Variants in NAALADL2 observed in about 807,000 individuals in gnomAD.
NAALADL2 encodes the protein inactive N-acetylated-alpha-linked acidic dipeptidase-like protein 2.
NAALADL2 carries 76 observed loss-of-function variants against 87.2 expected under a neutral mutation model. That is an observed-to-expected ratio of 0.87 (90% CI 0.72 to 1.05). NAALADL2 has a LOEUF of 1.05. Ranked by LOEUF, NAALADL2 falls within the 50% of genes least tolerant of loss-of-function variation. NAALADL2 has a pLI of 0.00. For missense variants in NAALADL2, 1,089 were observed against 945.8 expected (o/e 1.15, Z -1.99); for synonymous variants, 354 against 331.0 (o/e 1.07, Z -0.75).
chr3:175,468,353 T>A (rs1023013835), intron 8 of NAALADL2, among the ~76,000 whole-genome samples: 2 of 152,094 alleles, frequency 1.3e-5, no homozygotes, highest in Admixed American at 6.5e-5. Context: ...AGAATCTTTT[T>A]AAGTTGACAA....
At chr3:175,758,190 T>C (rs1747522458) in intron 13 of NAALADL2, among the ~76,000 whole-genome samples, 3 of 152,046 alleles carry the variant, frequency 2.0e-5, no homozygotes, top group Non-Finnish European at 4.4e-5. Flanking sequence ...ATGCTAGTAA[T>C]GTAATTACAG....
At chr3:175,629,471 A>G (rs1290690325) in intron 11 of NAALADL2, among the ~76,000 whole-genome samples, 3 of 151,352 alleles carry the variant, frequency 2.0e-5, no homozygotes, top group African/African-American at 7.3e-5. Context: ...ATTTTTAAGC[A>G]AAACATTAGA....
At chr3:175,544,108 A>C (rs1712863243) in intron 9 of NAALADL2, among the ~76,000 whole-genome samples, 1 of 152,192 alleles carries the variant, frequency 6.6e-6, no homozygotes, top group African/African-American at 2.4e-5. Context: ...CAACAGTGTC[A>C]GGATTCTGGG....
chr3:174,944,417 G>A (rs1326307519), intron 1 of NAALADL2, among the ~76,000 whole-genome samples: 1 of 152,130 alleles, frequency 6.6e-6, no homozygotes, highest in African/African-American at 2.4e-5. Context: ...AAATAGCAAA[G>A]ATGTTGGCCC....
chr3:175,521,771 G>A (rs547251057), intron 9 of NAALADL2, among the ~76,000 whole-genome samples: 18 of 152,214 alleles, frequency 1.2e-4, no homozygotes, highest in Admixed American at 9.8e-4. Flanking sequence ...CTAAAATGAG[G>A]CAAGGAAAGA....
At chr3:175,779,120 G>A (rs1411986107) in intron 13 of NAALADL2, among the ~76,000 whole-genome samples, 1 of 152,182 alleles carries the variant, frequency 6.6e-6, no homozygotes, top group African/African-American at 2.4e-5. Context: ...TGGCTTGTTA[G>A]TTCAACAAGA....
chr3:175,766,581 A>G (rs1748709745), intron 13 of NAALADL2, among the ~76,000 whole-genome samples: 1 of 152,196 alleles, frequency 6.6e-6, no homozygotes, highest in African/African-American at 2.4e-5. Flanking sequence ...AATGAAATCT[A>G]GGTTCCCTAT....
chr3:175,383,288 T>C (rs1767995761), intron 5 of NAALADL2, among the ~76,000 whole-genome samples: 1 of 152,048 alleles, frequency 6.6e-6, no homozygotes, highest in Non-Finnish European at 1.5e-5. Flanking sequence ...ATTCCTTTTA[T>C]TATATTTTAT....
intron 2 of NAALADL2, among the ~76,000 whole-genome samples, chr3:174,586,321 TA>T (rs957547366): frequency 4.6e-5 from 7 of 152,192 alleles, no homozygotes; most frequent in Non-Finnish European, 2.9e-5. Flanking sequence ...AAAAATACGA[TA>T]AATAAGGCCA....
intron 2 of NAALADL2, among the ~76,000 whole-genome samples, chr3:174,624,851 T>C (rs1721395674): frequency 6.6e-6 from 1 of 152,180 alleles, no homozygotes. Context: ...AAGCATTATT[T>C]GAAATTAAGT....
intron 13 of NAALADL2, among the ~76,000 whole-genome samples, chr3:175,789,205 C>CTAAT (rs1260006950): frequency 6.6e-6 from 1 of 152,126 alleles, no homozygotes; most frequent in African/African-American, 2.4e-5. Context: ...CAGTAGGTGC[C>CTAAT]TAATAAATAC....
chr3:175,036,804 C>CTTTTTTTTTTT (rs10662446), intron 1 of NAALADL2, among the ~76,000 whole-genome samples: 8 of 117,360 alleles, frequency 6.8e-5, no homozygotes, highest in Middle Eastern at 4.8e-3. Flanking sequence ...TCCATCTGTT[C>CTTTTTTTTTTT]TTTTTTTTTT....
At chr3:175,372,861 T>C (rs1228497828) in intron 5 of NAALADL2, among the ~76,000 whole-genome samples, 3 of 152,346 alleles carry the variant, frequency 2.0e-5, no homozygotes, top group South Asian at 2.1e-4. Context: ...TCCAGTTACC[T>C]TGAGCATTCT....
intron 13 of NAALADL2, 78 bp from the exon 14 acceptor site, chr3:175,802,911 AAACATCACTGACTCTT>A: frequency 1.3e-6 from 1 of 760,186 alleles, no homozygotes; most frequent in Non-Finnish European, 2.1e-6. Flanking sequence ...CATTTATTGA[AAACATCACTGACTCTT>A]AGAAATATTC....
intron 3 of NAALADL2, among the ~76,000 whole-genome samples, chr3:174,780,495 C>T (rs959294947): frequency 6.6e-6 from 1 of 152,130 alleles, no homozygotes; most frequent in Non-Finnish European, 1.5e-5. Context: ...CCTGATTGCC[C>T]TGGCCAGAAC....
intron 10 of NAALADL2, among the ~76,000 whole-genome samples, chr3:175,595,928 A>G (rs1369713134): frequency 6.6e-6 from 1 of 151,982 alleles, no homozygotes; most frequent in Non-Finnish European, 1.5e-5. Flanking sequence ...AGCCTGAATA[A>G]TCTGAGAAAT....
At chr3:174,989,909 G>T (rs1746483687) in intron 1 of NAALADL2, among the ~76,000 whole-genome samples, 1 of 151,934 alleles carries the variant, frequency 6.6e-6, no homozygotes, top group African/African-American at 2.4e-5. Flanking sequence ...TTTAATTTTT[G>T]ACCTCATTTC....
At chr3:175,619,285 A>AGAAAGAAG (rs1203669214) in intron 10 of NAALADL2, among the ~76,000 whole-genome samples, 8 of 151,242 alleles carry the variant, frequency 5.3e-5, no homozygotes, top group South Asian at 4.2e-4. Context: ...AAAGAAAGAA[A>AGAAAGAAG]GAAGGAAGGA....
chr3:175,199,994 T>C (rs1350412787), intron 2 of NAALADL2, among the ~76,000 whole-genome samples: 1 of 149,202 alleles, frequency 6.7e-6, no homozygotes, highest in Middle Eastern at 3.5e-3. Context: ...ATAAATACTC[T>C]TTCAGACTAC....
Sources: gnomAD v4.1 joint callset for allele counts (sites outside exome capture counted in the v4.1 genomes callset) on GRCh38, gnomAD v4.1.1 for gene constraint, MANE v1.5 for transcripts, NCBI Gene and HGNC (gene_info 2026-07-23, HGNC 2026-07-21) for gene names.